LOXL3: variants seen among roughly 807,000 people sequenced by gnomAD.
LOXL3 encodes the protein lysyl oxidase homolog 3.
Under a neutral mutation model 91.8 loss-of-function variants are expected in LOXL3, and 60 were observed. That is an observed-to-expected ratio of 0.65 (90% CI 0.53 to 0.81). The LOEUF (loss-of-function observed/expected upper bound fraction) is 0.81, where lower values mean the gene tolerates loss of function less well. Among genes scored for constraint, LOXL3 ranks in the 30% least tolerant of loss-of-function variants. LOXL3 has a pLI of 0.00. For missense variants in LOXL3, 874 were observed against 1,000.4 expected (o/e 0.87, Z 1.70); for synonymous variants, 355 against 387.6 (o/e 0.92, Z 0.99).
At chr2:74,548,032 A>ACC (rs1676712479) in intron 4 of LOXL3, among the ~76,000 whole-genome samples, 1 of 152,264 alleles carries the variant, frequency 6.6e-6, no homozygotes, top group South Asian at 2.1e-4. Flanking sequence ...GGTGGAAGGA[A>ACC]CATATTTTAC....
chr2:74,547,161 C>A (rs1393657911), intron 4 of LOXL3, among the ~76,000 whole-genome samples: 3 of 152,012 alleles, frequency 2.0e-5, no homozygotes, highest in Admixed American at 6.5e-5. Flanking sequence ...CAGGCACGCA[C>A]CACCATGTTC....
chr2:74,538,939 T>A (rs151091541), intron 4 of LOXL3, among the ~76,000 whole-genome samples: 1 of 152,186 alleles, frequency 6.6e-6, no homozygotes, highest in Non-Finnish European at 1.5e-5. Context: ...TAAGGACCAG[T>A]CTTGCGTAAC....
At chr2:74,554,766 A>G (rs1382559065), upstream of LOXL3, 9 of 1,612,850 alleles carry the variant, frequency 5.6e-6, no homozygotes, top group South Asian at 4.4e-5. The surrounding 1 kb of genome is among the most constrained non-coding windows in gnomAD (Gnocchi z 4.9). Flanking sequence ...TGGACGGAGC[A>G]GTGATGGAAG....
intron 1 of LOXL3, 127 bp from the exon 2 acceptor site, chr2:74,552,773 A>G (rs956957710): frequency 2.5e-6 from 2 of 815,410 alleles, no homozygotes; most frequent in African/African-American, 1.7e-5. Context: ...GAGAGACAAC[A>G]GGAGAGAAAG....
chr2:74,541,344 G>A (rs897799481), intron 4 of LOXL3, among the ~76,000 whole-genome samples: 1 of 152,192 alleles, frequency 6.6e-6, no homozygotes, highest in Middle Eastern at 3.2e-3. Flanking sequence ...ACTGTTTAAT[G>A]TGTGAAGACA....
Position 74,535,350 on chromosome 2 carries a change from G to T in LOXL3, c.1521C>A (p.Thr507=). The T allele has an allele frequency of 6.2e-7, 1 of 1,614,046 alleles. No homozygotes were observed. Among genetic ancestry groups the T allele is most frequent in the Non-Finnish European group, 8.5e-7 (1 of 1,180,002 alleles). Residue 507 remains threonine (T), a synonymous_variant, in exon 9 of 14, where the codon ACC becomes ACA. Transcript: ENST00000264094. This position sits in a 1 kb window ranked among gnomAD's most constrained non-coding sequence, Gnocchi z 4.2. Reference sequence around the variant, plus strand: ...TCCCTGTCCTCTTGCAGGTGATGTGGGTGCCATGATGGGCACACTGATCCA... The same window carrying T: ...TCCCTGTCCTCTTGCAGGTGATGTGTGTGCCATGATGGGCACACTGATCCA... ...LSLDQCAHHG[T]HITCKRTGTR...
rs1675777103 is a variant in LOXL3 at position 74,533,500 on chromosome 2, A to G, written c.*106T>C. 8.5e-6 allele frequency: 8 copies of G among 937,584 alleles called. No homozygotes were observed. The highest frequency in any genetic ancestry group is 1.4e-5 in the Non-Finnish European group (8 of 590,934). 58.1% of individuals were successfully genotyped at this position (937,584 alleles called of 1,614,324 possible). On this transcript the variant is annotated 3_prime_UTR_variant, in exon 14 of 14. Coordinates refer to ENST00000264094, the MANE Select transcript of LOXL3 (RefSeq NM_032603.5). Reference sequence around the variant, plus strand: ...TTCCACATCCATAGTGCATGGTCTGATGAGTGCGGTTGCTGACATGGGTTT... The same window carrying G: ...TTCCACATCCATAGTGCATGGTCTGGTGAGTGCGGTTGCTGACATGGGTTT...
At chr2:74,555,068 G>C (rs1447389542), upstream of LOXL3, 4 of 1,496,794 alleles carry the variant, frequency 2.7e-6, no homozygotes, top group East Asian at 9.6e-5. This position sits in a 1 kb window ranked among gnomAD's most constrained non-coding sequence, Gnocchi z 6.1. Flanking sequence ...ATCCCAAATC[G>C]ACTTGCGCCG....
chr2:74,554,711 T>TCCCGCCTCCCGCCCCCCCA, upstream of LOXL3: 1 of 1,598,710 alleles, frequency 6.3e-7, no homozygotes. The surrounding 1 kb of genome is among the most constrained non-coding windows in gnomAD (Gnocchi z 4.9). Context: ...CCGCCCCGCC[T>TCCCGCCTCCCGCCCCCCCA]CCCGCCGCAG....
chr2:74,542,121 C>T (rs1462809846), intron 4 of LOXL3, among the ~76,000 whole-genome samples: 7 of 151,202 alleles, frequency 4.6e-5, no homozygotes, highest in African/African-American at 1.2e-4. Flanking sequence ...AGTGAGACCT[C>T]GTCTCTACAA....
chr2:74,534,702 A>G lies in LOXL3; in HGVS notation c.1652T>C (p.Met551Thr). ...GTTCTCTTCCGCAGCACAGTACAAC[A>G]TATGCAGGGGCCGGTCTTCGATGTA... is the stretch of plus-strand genomic sequence containing the variant. Reference protein sequence around the residue: ...TAYIEDRPLHMLYCAAEENCL... With the variant: ...TAYIEDRPLHTLYCAAEENCL... Residue 551 changes from methionine to threonine, a missense_variant, in exon 10 of 14, where the codon ATG (methionine) becomes ACG (threonine). Met to Thr is a moderately conservative substitution (Grantham distance 81). Coordinates refer to ENST00000264094, the MANE Select transcript of LOXL3 (RefSeq NM_032603.5). 1 of 1,614,166 alleles carries G rather than the reference A, an allele frequency of 6.2e-7. No individual in the cohort carries two copies. The highest frequency in any genetic ancestry group is 8.5e-7 in the Non-Finnish European group (1 of 1,180,034).
chr2:74,534,874 T>A, intron 9 of LOXL3, 100 bp from the exon 10 acceptor site: 2 of 1,340,834 alleles, frequency 1.5e-6, no homozygotes, highest in Non-Finnish European at 2.0e-6. Context: ...TTTTTGTTTT[T>A]GTTTTTGTTT....
intron 4 of LOXL3, among the ~76,000 whole-genome samples, chr2:74,537,212 T>A (rs1676082429): frequency 6.6e-6 from 1 of 152,284 alleles, no homozygotes; most frequent in South Asian, 2.1e-4. Context: ...TGGAAGAAAC[T>A]GTTCCAAGTG....
At position 74,533,276 on chromosome 2, in the gene LOXL3, G is replaced by A. The variant is rs886056347; in HGVS notation, c.*330C>T. On this transcript the variant is annotated 3_prime_UTR_variant, in exon 14 of 14. Transcript: ENST00000264094. Reference sequence around the variant, plus strand: ...CCCTAAACTTAGGGGAGATACTGGAGCTGACCATCCTGACCTCCTATTAAA... The same window carrying A: ...CCCTAAACTTAGGGGAGATACTGGAACTGACCATCCTGACCTCCTATTAAA... The A allele has an allele frequency of 2.4e-5, 13 of 539,668 alleles. No homozygotes were observed. The highest frequency in any genetic ancestry group is 9.7e-4 in the Middle Eastern group (2 of 2,072). 33.4% of individuals were successfully genotyped at this position (539,668 alleles called of 1,614,324 possible).
Position 74,535,308 on chromosome 2 carries a change from T to G in LOXL3, c.1563A>C (p.Gly521=). 5 of 1,613,888 alleles carry G rather than the reference T, an allele frequency of 3.1e-6. No homozygotes were observed. The highest frequency in any genetic ancestry group is 4.2e-6 in the Non-Finnish European group (5 of 1,179,944). The change falls in exon 9 of 14, where the codon GGA becomes GGC. Residue 521 remains glycine (G), a synonymous_variant. Transcript: ENST00000264094. This position sits in a 1 kb window ranked among gnomAD's most constrained non-coding sequence, Gnocchi z 4.2. ...CKRTGTRFTA[G]VICSETASDL... ...TTCACTCACTCTCAGAACAGATGAC[T>G]CCAGCAGTGAAGCGGGTCCCTGTCC...
At chr2:74,537,292 G>A (rs1676085910) in intron 4 of LOXL3, among the ~76,000 whole-genome samples, 2 of 152,242 alleles carry the variant, frequency 1.3e-5, no homozygotes, top group Non-Finnish European at 2.9e-5. Context: ...GGACTTTCCA[G>A]TTGGAAGAAA....
chr2:74,536,547 G>C lies in LOXL3; in HGVS notation c.913-76C>G. ...AGGGCTAAGCAGACCTGGGAGATGA[G>C]TGAGACTTTGGTGGAAGGGAGTGGG... is the stretch of plus-strand genomic sequence containing the variant. On this transcript the variant is annotated intron_variant, in intron 5 of 13. Coordinates refer to ENST00000264094, the MANE Select transcript of LOXL3 (RefSeq NM_032603.5). This position sits in a 1 kb window ranked among gnomAD's most constrained non-coding sequence, Gnocchi z 4.5. 1 of 1,510,318 alleles carries C rather than the reference G, an allele frequency of 6.6e-7. No individual in the cohort carries two copies. Among genetic ancestry groups the C allele is most frequent in the Non-Finnish European group, 9.0e-7 (1 of 1,113,262 alleles). The allele number at this position is 1,510,318 out of a possible 1,614,324, so 93.6% of individuals were successfully genotyped here.
intron 4 of LOXL3, among the ~76,000 whole-genome samples, chr2:74,542,489 C>A (rs1676377746): frequency 6.6e-6 from 1 of 151,876 alleles, no homozygotes; most frequent in African/African-American, 2.4e-5. Context: ...TCAACTGAAT[C>A]CTTTTAAACA....
chr2:74,536,099 GAGAGCTCCTGTCCAGAGC>G lies in LOXL3; in HGVS notation c.1127_1144del (p.Cys376_Leu381del). The G allele has an allele frequency of 6.2e-7, 1 of 1,613,926 alleles. No individual in the cohort carries two copies. Among genetic ancestry groups the G allele is most frequent in the Non-Finnish European group, 8.5e-7 (1 of 1,179,970 alleles). On this transcript the variant is annotated inframe_deletion, in exon 7 of 14. Coordinates refer to ENST00000264094, the MANE Select transcript of LOXL3 (RefSeq NM_032603.5). The surrounding 1 kb of genome is among the most constrained non-coding windows in gnomAD (Gnocchi z 4.5). ...GTTCTTGTGGGGGCACTTCCAGAGG[GAGAGCTCCTGTCCAGAGC>G]AGCGAACTTCACTCAGGTGGATAGC... is the stretch of plus-strand genomic sequence containing the variant.
Sources: allele counts gnomAD v4.1 joint callset (sites outside exome capture counted in the v4.1 genomes callset), GRCh38; gene constraint gnomAD v4.1.1; non-coding constraint Gnocchi (gnomAD v3.1); transcripts MANE v1.5; gene names NCBI Gene and HGNC (gene_info 2026-07-23, HGNC 2026-07-21).